WDR17: variants seen among roughly 807,000 people sequenced by gnomAD.
WDR17 encodes the protein WD repeat-containing protein 17.
In WDR17, 143 loss-of-function variants were observed where a neutral mutation model predicts 161.7. That is an observed-to-expected ratio of 0.88 (90% confidence interval 0.77 to 1.02). The LOEUF is 1.02. Ranked by LOEUF, WDR17 falls within the 50% of genes least tolerant of loss-of-function variation. The probability of loss-of-function intolerance (pLI) is 0.00; values close to 1 mark genes in which losing one functional copy is unlikely to be tolerated. For synonymous variants in WDR17, 517 were observed against 515.6 expected, an observed-to-expected ratio of 1.00 and a Z score of -0.04; for missense variants, 1,469 against 1,520.9, an observed-to-expected ratio of 0.97 and a Z score of 0.57.
chr4:176,141,227 A>G (rs913627004), intron 10 of WDR17, among the ~76,000 whole-genome samples: 2 of 152,102 alleles, frequency 1.3e-5, no homozygotes, highest in Non-Finnish European at 2.9e-5. Flanking sequence ...AATTTTAGTT[A>G]TATTGCTGAG....
intron 28 of WDR17, among the ~76,000 whole-genome samples, chr4:176,178,577 C>A (rs977079234): frequency 4.6e-5 from 7 of 152,124 alleles, no homozygotes. Context: ...CTGAGGCCCA[C>A]GTGACTGGTA....
chr4:176,171,524 A>C (rs1409076692), intron 23 of WDR17, among the ~76,000 whole-genome samples: 2 of 152,158 alleles, frequency 1.3e-5, no homozygotes, highest in African/African-American at 4.8e-5. Flanking sequence ...GAGATGTAAA[A>C]TGTTCATTTT....
rs76110840 is a variant in WDR17 at position 176,122,784 on chromosome 4, G to A, written c.539-2320G>A. On this transcript the variant is annotated intron_variant, in intron 4 of 28. Coordinates refer to ENST00000508596, the MANE Select transcript of WDR17 (RefSeq NM_181265.4). ...CTCTGTTGTCTAGTCCTTCTCAGAA[G>A]AAAAAATAAATATTCATGAGAACTA... is the stretch of plus-strand genomic sequence containing the variant. Among the ~76,000 whole-genome samples the A allele has an allele frequency of 2.6e-5, 4 of 152,062 alleles. No individual in the cohort carries two copies. In the East Asian group the frequency reaches 7.7e-4, roughly 29 times the overall value.
At chr4:176,080,358 G>C (rs903982372) in intron 1 of WDR17, among the ~76,000 whole-genome samples, 1 of 151,428 alleles carries the variant, frequency 6.6e-6, no homozygotes, top group Non-Finnish European at 1.5e-5. Context: ...CGAGAGAACC[G>C]GTGTGGAGAA....
Position 176,149,905 on chromosome 4 carries a change from CAAAT to C in WDR17, c.2002_2005del (p.Asn668PhefsTer18). Reference sequence around the variant, plus strand: ...ATTAACAGCCTTAGTCACTCCTGTACAAATAAATATTCTGGCAGACAGATCTTGG... The same window carrying C: ...ATTAACAGCCTTAGTCACTCCTGTACAAATATTCTGGCAGACAGATCTTGG... On this transcript the variant is annotated frameshift_variant, in exon 14 of 29. Coordinates refer to ENST00000508596, the MANE Select transcript of WDR17 (RefSeq NM_181265.4). LOFTEE classifies it high-confidence loss of function. 1 of 1,613,892 alleles carries C rather than the reference CAAAT, an allele frequency of 6.2e-7. No individual in the cohort carries two copies. The highest frequency in any genetic ancestry group is 8.5e-7 in the Non-Finnish European group (1 of 1,179,998).
At chr4:176,133,311 CACCATT>C (rs901240947) in intron 7 of WDR17, among the ~76,000 whole-genome samples, 1 of 132,572 alleles carries the variant, frequency 7.5e-6, no homozygotes, top group African/African-American at 2.8e-5. Flanking sequence ...AAATCACTTC[CACCATT>C]AACTCCTAAT....
intron 22 of WDR17, among the ~76,000 whole-genome samples, chr4:176,164,570 A>C (rs1438945639): frequency 1.3e-5 from 2 of 152,224 alleles, no homozygotes; most frequent in African/African-American, 4.8e-5. Context: ...AATATTCTAA[A>C]ATCCAAAAAA....
intron 22 of WDR17, among the ~76,000 whole-genome samples, chr4:176,167,661 A>AAAAAAAAC (rs1750049809): frequency 1.8e-5 from 2 of 113,770 alleles, no homozygotes; most frequent in Non-Finnish European, 3.6e-5. Flanking sequence ...AAAAAAAAAA[A>AAAAAAAAC]AAAAAAAAAA....
At chr4:176,096,457 C>G in intron 1 of WDR17, 2 of 1,355,700 alleles carry the variant, frequency 1.5e-6, no homozygotes, top group Non-Finnish European at 2.1e-6. Flanking sequence ...ATTGTTGTTA[C>G]TTTAGGTGCT....
At chr4:176,068,234 G>A (rs1453961516) in intron 1 of WDR17, 1 of 152,186 alleles carries the variant, frequency 6.6e-6, no homozygotes, top group Non-Finnish European at 1.5e-5. Flanking sequence ...AAATATTAAA[G>A]TGAAGTCATG....
Position 176,150,741 on chromosome 4 carries a change from A to G in WDR17, c.2304+148A>G, listed in dbSNP as rs967318198. The G allele has an allele frequency of 1.0e-5, 8 of 785,278 alleles. No homozygotes were observed. In the South Asian group the frequency reaches 1.2e-4, roughly 12 times the overall value. 48.6% of individuals were successfully genotyped at this position (785,278 alleles called of 1,614,324 possible). ...AGGAGATCCATCTTGGGTAAAATGA[A>G]TCATAAAAGTGAATTACTTGAGAAC... On this transcript the variant is annotated intron_variant, in intron 16 of 28. Coordinates refer to ENST00000508596, the MANE Select transcript of WDR17 (RefSeq NM_181265.4).
chr4:176,089,452 T>A (rs1338310409), intron 1 of WDR17, among the ~76,000 whole-genome samples: 2 of 152,120 alleles, frequency 1.3e-5, no homozygotes, highest in Admixed American at 6.6e-5. Flanking sequence ...TTTATCAGAG[T>A]CTGGTTCTTA....
chr4:176,172,473 A>G lies in WDR17; in HGVS notation c.3201A>G (p.Gln1067=), dbSNP rs1750871045. ...CTGTAAAATATTACTTGTTAAGTCA[A>G]GAACCTGAAAAAGCCCTTCCTATTG... ...FETVKYYLLS[Q]EPEKALPIGI... The change falls in exon 24 of 29, where the codon CAA becomes CAG. Residue 1067 remains glutamine (Q), a synonymous_variant. Coordinates refer to ENST00000508596, the MANE Select transcript of WDR17 (RefSeq NM_181265.4). The G allele has an allele frequency of 1.2e-6, 2 of 1,609,030 alleles. No homozygotes were observed. Among genetic ancestry groups the G allele is most frequent in the Non-Finnish European group, 1.7e-6 (2 of 1,178,930 alleles).
intron 2 of WDR17, among the ~76,000 whole-genome samples, chr4:176,113,011 T>C (rs1740024670): frequency 6.6e-6 from 1 of 152,110 alleles, no homozygotes; most frequent in Admixed American, 6.6e-5. Context: ...GAGTAAGATT[T>C]TATGTAGTCC....
In WDR17 at chr4:176,155,711, A is replaced by G. The variant is rs530591283; in HGVS notation, c.2461-368A>G. Among the ~76,000 whole-genome samples, 3 of 109,280 alleles carry G rather than the reference A, an allele frequency of 2.7e-5. No homozygotes were observed. In the South Asian group the frequency reaches 1.0e-3, roughly 36 times the overall value. The allele number at this position is 109,280 out of a possible 152,430, so 71.7% of individuals were successfully genotyped here. A position where few individuals can be genotyped will look rare whatever the true frequency, so the allele number is the denominator to read the frequency against. On this transcript the variant is annotated intron_variant, in intron 17 of 28. Coordinates refer to ENST00000508596, the MANE Select transcript of WDR17 (RefSeq NM_181265.4). Reference sequence around the variant, plus strand: ...AAGTGTGCACCACCACATCTGACTAATTAAAATATATATATATATATATAT... The same window carrying G: ...AAGTGTGCACCACCACATCTGACTAGTTAAAATATATATATATATATATAT...
chr4:176,122,179 T>C (rs1190797662), intron 4 of WDR17, among the ~76,000 whole-genome samples: 1 of 152,190 alleles, frequency 6.6e-6, no homozygotes, highest in Admixed American at 6.5e-5. Context: ...CTTGTGGCAG[T>C]ATAACTGCAG....
chr4:176,122,375 T>TG (rs1554023656), intron 4 of WDR17, among the ~76,000 whole-genome samples: 1 of 152,222 alleles, frequency 6.6e-6, no homozygotes, highest in Non-Finnish European at 1.5e-5. Flanking sequence ...CTTAGGACTT[T>TG]AACACCTTTT....
At chr4:176,178,505 A>C (rs542555179) in intron 28 of WDR17, among the ~76,000 whole-genome samples, 1 of 152,106 alleles carries the variant, frequency 6.6e-6, no homozygotes, top group African/African-American at 2.4e-5. Flanking sequence ...AAAAGACACT[A>C]TCTAACCTCT....
rs921017975 is a variant in WDR17, at chr4:176,168,777, T to C, written c.3096T>C (p.His1032=). ...PGCTEEINDL[H]DKCKLPTVEE... is the part of the protein sequence containing the mutation. ...GTACTGAAGAGATAAATGACCTTCA[T>C]GATAAGGTATGCTGATGATGTTAAA... Residue 1032 remains histidine, a synonymous_variant, in exon 23 of 29, where the codon CAT becomes CAC. Coordinates refer to ENST00000508596, the MANE Select transcript of WDR17 (RefSeq NM_181265.4). The C allele has an allele frequency of 2.5e-6, 4 of 1,610,814 alleles. No homozygotes were observed. Among genetic ancestry groups the C allele is most frequent in the Non-Finnish European group, 3.4e-6 (4 of 1,178,842 alleles).
Sources: allele counts gnomAD v4.1 joint callset (sites outside exome capture counted in the v4.1 genomes callset), GRCh38; gene constraint gnomAD v4.1.1; transcripts MANE v1.5; gene names NCBI Gene and HGNC (gene_info 2026-07-23, HGNC 2026-07-21).